Variants in WWP1 observed in about 807,000 individuals in gnomAD.
WWP1 encodes WW domain containing E3 ubiquitin protein ligase 1.
WWP1 carries 49 observed loss-of-function variants against 130.6 expected under a neutral mutation model. That is an observed-to-expected ratio of 0.38 (90% confidence interval 0.30 to 0.48). The LOEUF (loss-of-function observed/expected upper bound fraction) is 0.48. Among genes scored for constraint, WWP1 ranks in the 20% least tolerant of loss-of-function variants. The pLI, the probability that WWP1 is intolerant of heterozygous loss-of-function variation, is 0.99. For synonymous variants in WWP1, 332 were observed against 367.8 expected (o/e 0.90, Z 1.11); for missense variants, 809 against 1,100.6 (o/e 0.74, Z 3.75).
At chr8:86,352,038 C>CGT (rs1822963487) in intron 1 of WWP1, among the ~76,000 whole-genome samples, 1 of 98,594 alleles carries the variant, frequency 1.0e-5, no homozygotes, top group African/African-American at 3.0e-5. Flanking sequence ...CTAAAATATT[C>CGT]CTTTTTTTTT....
At chr8:86,396,213 G>A (rs140215163) in intron 5 of WWP1, among the ~76,000 whole-genome samples, 22,352 of 151,736 alleles carry the variant, frequency 0.15, 1,803 homozygotes, top group Non-Finnish European at 0.19. Flanking sequence ...ATTCTCCTGC[G>A]TCAGCCTCCT....
At chr8:86,449,688 C>T (rs1811069963) in intron 20 of WWP1, among the ~76,000 whole-genome samples, 1 of 152,204 alleles carries the variant, frequency 6.6e-6, no homozygotes, top group Non-Finnish European at 1.5e-5. Context: ...ATATTGCCTC[C>T]TACTGATGTC....
Position 86,448,479 on chromosome 8 carries a change from C to G in WWP1, c.2239C>G (p.Leu747Val). Residue 747 changes from leucine to valine, a missense_variant, in exon 20 of 25, where the codon CTG becomes GTG. Around this residue, in one of 3 missense-constraint regions of WWP1, gnomAD observed 450 missense variants for 674.2 expected, o/e 0.67. Transcript: ENST00000517970. ...CCTGAAGTTGGGAGGTTCCAATATT[C>G]TGGTGACTGAGGAGAACAAAGATGA... ...HDLKLGGSNI[L>V]VTEENKDEYI... The G allele has an allele frequency of 6.2e-7, 1 of 1,613,718 alleles. No individual in the cohort carries two copies.
intron 5 of WWP1, among the ~76,000 whole-genome samples, chr8:86,387,959 A>G (rs1825383657): frequency 6.6e-6 from 1 of 152,204 alleles, no homozygotes; most frequent in Non-Finnish European, 1.5e-5. Flanking sequence ...TCTGCTATCC[A>G]ATATGGTAGC....
intron 9 of WWP1, among the ~76,000 whole-genome samples, chr8:86,423,063 ATTT>A (rs200170387): frequency 7.1e-6 from 1 of 140,594 alleles, no homozygotes. Context: ...AGGTTTCTTC[ATTT>A]TTTTTTTTTT....
chr8:86,375,842 G>T lies in WWP1; in HGVS notation c.70+1722G>T, dbSNP rs80327721. ...ATGTAATTTTGCCAGGTATTGCCAA[G>T]TTCCTCTCCATGGGGTCTGCACCAT... is the stretch of plus-strand genomic sequence containing the variant. On this transcript the variant is annotated intron_variant, in intron 3 of 24. Transcript: ENST00000517970. Among the ~76,000 whole-genome samples the T allele has an allele frequency of 7.4e-3, 1,123 of 152,252 alleles. 14 individuals carry two copies. Among genetic ancestry groups the T allele is most frequent in the African/African-American group, 0.026 (1,065 of 41,530 alleles).
intron 9 of WWP1, 148 bp from the exon 10 acceptor site, chr8:86,425,075 T>C (rs1231458379): frequency 8.9e-5 from 45 of 502,844 alleles, no homozygotes; most frequent in Non-Finnish European, 1.0e-5. Flanking sequence ...TGTATATATA[T>C]ATAATAGCCT....
intron 5 of WWP1, among the ~76,000 whole-genome samples, chr8:86,390,514 G>A (rs764176392): frequency 1.2e-4 from 19 of 152,164 alleles, no homozygotes; most frequent in Non-Finnish European, 2.4e-4. Flanking sequence ...CCAACACGGC[G>A]AAACCCCGTC....
At chr8:86,446,340 GT>G (rs917958820) in intron 18 of WWP1, among the ~76,000 whole-genome samples, 3 of 151,004 alleles carry the variant, frequency 2.0e-5, no homozygotes, top group Non-Finnish European at 3.0e-5. Flanking sequence ...TTTTTAATGG[GT>G]TTTTTTTTCT....
intron 22 of WWP1, among the ~76,000 whole-genome samples, chr8:86,460,950 C>A (rs1471069978): frequency 6.6e-6 from 1 of 151,598 alleles, no homozygotes; most frequent in Non-Finnish European, 1.5e-5. Context: ...GCTGGGACTA[C>A]AGGCGCCCGA....
chr8:86,379,544 G>A (rs940365089), intron 3 of WWP1, among the ~76,000 whole-genome samples: 4 of 152,018 alleles, frequency 2.6e-5, no homozygotes, highest in African/African-American at 4.8e-5. Context: ...GATTATAGAG[G>A]TGATCTTGAT....
At chr8:86,378,463 T>G (rs1463084155) in intron 3 of WWP1, among the ~76,000 whole-genome samples, 1 of 152,100 alleles carries the variant, frequency 6.6e-6, no homozygotes. Flanking sequence ...TAACTCTCCC[T>G]ACCCTCTCAC....
intron 22 of WWP1, among the ~76,000 whole-genome samples, chr8:86,459,549 A>G (rs1229290323): frequency 6.6e-6 from 1 of 152,192 alleles, no homozygotes; most frequent in Non-Finnish European, 1.5e-5. Flanking sequence ...AGAGGAGCTG[A>G]GCAGTTGGAG....
At chr8:86,420,447 A>C (rs935761594) in intron 9 of WWP1, among the ~76,000 whole-genome samples, 3 of 152,184 alleles carry the variant, frequency 2.0e-5, no homozygotes, top group Admixed American at 6.5e-5. Flanking sequence ...ACATAGTCAT[A>C]ATGATAACTG....
chr8:86,402,627 G>A (rs2130512147), intron 8 of WWP1, among the ~76,000 whole-genome samples: 1 of 152,164 alleles, frequency 6.6e-6, no homozygotes, highest in South Asian at 2.1e-4. Flanking sequence ...GTCTATGATA[G>A]GAATTTAAAA....
intron 1 of WWP1, among the ~76,000 whole-genome samples, chr8:86,363,323 C>T (rs1215260287): frequency 6.6e-6 from 1 of 152,144 alleles, no homozygotes; most frequent in African/African-American, 2.4e-5. Context: ...TTAGGGAAAG[C>T]TGGTCTGCTG....
chr8:86,343,609 TC>T (rs1822374899), intron 1 of WWP1, among the ~76,000 whole-genome samples: 1 of 152,184 alleles, frequency 6.6e-6, no homozygotes, highest in African/African-American at 2.4e-5. Context: ...CTTTAAATGA[TC>T]AGTCTTGTTC....
chr8:86,389,820 G>C (rs1419998741), intron 5 of WWP1, among the ~76,000 whole-genome samples: 1 of 151,656 alleles, frequency 6.6e-6, no homozygotes, highest in Non-Finnish European at 1.5e-5. Flanking sequence ...TGGGGCGGCT[G>C]GCGGGGTGGG....
intron 10 of WWP1, among the ~76,000 whole-genome samples, chr8:86,426,362 T>C (rs1487439876): frequency 6.6e-6 from 1 of 152,240 alleles, no homozygotes; most frequent in Non-Finnish European, 1.5e-5. Flanking sequence ...TTTTTAGTAA[T>C]AAGTTTAAGG....
Sources: allele counts gnomAD v4.1 joint callset (sites outside exome capture counted in the v4.1 genomes callset), GRCh38; gene constraint gnomAD v4.1.1; regional missense constraint gnomAD v4.1.1; transcripts MANE v1.5; gene names NCBI Gene and HGNC (gene_info 2026-07-23, HGNC 2026-07-21).